The following KCNH5 variants were observed in gnomAD, a reference collection of about 807,000 sequenced individuals.
KCNH5 encodes voltage-gated delayed rectifier potassium channel KCNH5.
A neutral mutation model predicts 96.1 loss-of-function variants in KCNH5; 46 were observed. The ratio of observed to expected loss-of-function variants is 0.48; its 90% CI spans 0.38 to 0.61. KCNH5 has a LOEUF of 0.61. Ranked by LOEUF, KCNH5 falls within the 20% of genes least tolerant of loss-of-function variation. The pLI is 0.00. For synonymous variants in KCNH5, 439 were observed against 449.8 expected (o/e 0.98, Z 0.30); for missense variants, 907 against 1,225.8 (o/e 0.74, Z 3.88).
intron 10 of KCNH5, among the ~76,000 whole-genome samples, chr14:62,756,057 C>G (rs1885617617): frequency 6.6e-6 from 1 of 151,546 alleles, no homozygotes; most frequent in Admixed American, 6.6e-5. Flanking sequence ...AAAACAAAAC[C>G]TAGACTCCAC....
chr14:62,868,790 G>C (rs1888190386), intron 7 of KCNH5, among the ~76,000 whole-genome samples: 2 of 152,078 alleles, frequency 1.3e-5, no homozygotes, highest in South Asian at 4.2e-4. Flanking sequence ...TGCAGTGTTT[G>C]GTTTTCTGTT....
rs1404885203 is a variant in KCNH5 at position 63,045,431 on chromosome 14, G to T, written c.-245C>A. On this transcript the variant is annotated 5_prime_UTR_variant, in exon 1 of 11. Transcript: ENST00000322893. The stretch of plus-strand genomic sequence containing the variant: ...CGGCCGCCGCTGCCCAGACTGTGGC[G>T]GTGCCGCACACGGGGCTCGGGAACT... 5 of 533,800 alleles carry T rather than the reference G, an allele frequency of 9.4e-6. No individual in the cohort carries two copies. The highest frequency in any genetic ancestry group is 1.7e-5 in the Non-Finnish European group (5 of 296,080). 33.1% of individuals were successfully genotyped at this position (533,800 alleles called of 1,614,324 possible). A position where few individuals can be genotyped will look rare whatever the true frequency, so the allele number is the denominator to read the frequency against.
chr14:62,911,915 G>C (rs1336270188), intron 7 of KCNH5, among the ~76,000 whole-genome samples: 3 of 151,364 alleles, frequency 2.0e-5, no homozygotes, highest in African/African-American at 7.3e-5. Context: ...GCAGGCACCT[G>C]TAATTGCAGC....
chr14:62,817,899 TATAA>T (rs10555267), intron 8 of KCNH5, among the ~76,000 whole-genome samples: 41,979 of 142,574 alleles, frequency 0.29, 6,613 homozygotes, highest in South Asian at 0.53. Context: ...TAAATATAAA[TATAA>T]ATATATATAT....
intron 1 of KCNH5, among the ~76,000 whole-genome samples, chr14:63,040,557 T>C (rs1340027716): frequency 6.6e-6 from 1 of 152,192 alleles, no homozygotes; most frequent in East Asian, 1.9e-4. Flanking sequence ...ATTTCCTGAA[T>C]AGTGTCTTAG....
chr14:62,821,557 G>C (rs2140018238), intron 8 of KCNH5, among the ~76,000 whole-genome samples: 1 of 152,068 alleles, frequency 6.6e-6, no homozygotes, highest in East Asian at 1.9e-4. Flanking sequence ...TATTTAAAGG[G>C]GCTTTAGGGC....
chr14:62,948,417 G>T (rs1241658496), intron 7 of KCNH5, among the ~76,000 whole-genome samples: 1 of 152,020 alleles, frequency 6.6e-6, no homozygotes, highest in African/African-American at 2.4e-5. Context: ...AGAAGAAATG[G>T]ATAAATTCCT....
In KCNH5 at chr14:62,849,795, G is replaced by C. The variant is rs922788543; in HGVS notation, c.1427C>G (p.Ala476Gly). The stretch of plus-strand genomic sequence containing the variant: ...CATCTCATGGTATCGGTTGGTGTTG[G>C]CATACATTTGCTGGAAAATTGTTGT... ...NVTTIFQQMYANTNRYHEMLN... is the reference protein window; with the variant it reads ...NVTTIFQQMYGNTNRYHEMLN... The change falls in exon 8 of 11, where the codon GCC (alanine) becomes GGC (glycine). Residue 476 changes from alanine (A) to glycine (G), a missense_variant. By Grantham distance (60) the Ala-to-Gly change is moderately conservative (BLOSUM62 0). Coordinates refer to ENST00000322893, the MANE Select transcript of KCNH5 (RefSeq NM_139318.5). 27 of 1,613,626 alleles carry C rather than the reference G, an allele frequency of 1.7e-5. No homozygotes were observed. The highest frequency in any genetic ancestry group is 2.2e-5 in the Non-Finnish European group (26 of 1,179,758).
chr14:62,879,725 T>C (rs1888455066), intron 7 of KCNH5, among the ~76,000 whole-genome samples: 1 of 152,174 alleles, frequency 6.6e-6, no homozygotes, highest in African/African-American at 2.4e-5. Flanking sequence ...ATTGCCAATT[T>C]GATTTGTAAT....
chr14:62,854,460 C>T (rs1384166573), intron 7 of KCNH5, among the ~76,000 whole-genome samples: 1 of 152,060 alleles, frequency 6.6e-6, no homozygotes, highest in Non-Finnish European at 1.5e-5. Flanking sequence ...CATTTAAAGG[C>T]TAAGGTTATT....
intron 8 of KCNH5, among the ~76,000 whole-genome samples, chr14:62,839,006 G>A (rs1018390659): frequency 8.2e-6 from 1 of 121,450 alleles, no homozygotes; most frequent in African/African-American, 2.8e-5. Context: ...ACAAAAAAAT[G>A]TACATAACCT....
chr14:62,981,938 C>T (rs1890615852), intron 5 of KCNH5, among the ~76,000 whole-genome samples: 1 of 152,096 alleles, frequency 6.6e-6, no homozygotes, highest in Non-Finnish European at 1.5e-5. Context: ...TTTATATGAA[C>T]CTTGAGTTAC....
intron 5 of KCNH5, among the ~76,000 whole-genome samples, chr14:62,985,126 A>G (rs1391580673): frequency 6.6e-6 from 1 of 152,176 alleles, no homozygotes; most frequent in Non-Finnish European, 1.5e-5. Context: ...TGCAAAAGAA[A>G]GTTGTATCTC....
Position 62,784,199 on chromosome 14 carries a change from G to T in KCNH5, c.1823-4275C>A, listed in dbSNP as rs553175257. Among the ~76,000 whole-genome samples, 3 of 152,178 alleles carry T rather than the reference G, an allele frequency of 2.0e-5. No individual in the cohort carries two copies. The South Asian group carries it at 6.2e-4, about 32-fold the overall frequency. On this transcript the variant is annotated intron_variant, in intron 9 of 10. Transcript: ENST00000322893. Reference sequence around the variant, plus strand: ...GGCAGGCAAGAGCGCTTGTACAGGGGAACTCCCATTTATAAAGCCATCAGA... The same window carrying T: ...GGCAGGCAAGAGCGCTTGTACAGGGTAACTCCCATTTATAAAGCCATCAGA...
chr14:62,961,751 G>A (rs1422073120), intron 6 of KCNH5, among the ~76,000 whole-genome samples: 1 of 152,076 alleles, frequency 6.6e-6, no homozygotes, highest in Non-Finnish European at 1.5e-5. Context: ...TACAGGGATG[G>A]GGATGGAAAT....
chr14:63,011,732 CT>C (rs1368643441), intron 2 of KCNH5, among the ~76,000 whole-genome samples: 1 of 152,154 alleles, frequency 6.6e-6, no homozygotes, highest in Non-Finnish European at 1.5e-5. Context: ...CCCTTCAACA[CT>C]TTTCATCAGT....
At chr14:62,837,700 T>C (rs961332111) in intron 8 of KCNH5, among the ~76,000 whole-genome samples, 4 of 152,198 alleles carry the variant, frequency 2.6e-5, no homozygotes, top group Non-Finnish European at 5.9e-5. Flanking sequence ...TGAGAATGGC[T>C]GAATAAATGA....
At chr14:62,925,156 T>C (rs1889449973) in intron 7 of KCNH5, among the ~76,000 whole-genome samples, 1 of 151,984 alleles carries the variant, frequency 6.6e-6, no homozygotes, top group African/African-American at 2.4e-5. Flanking sequence ...CCCTGGTGCC[T>C]GTAGACCACA....
At chr14:62,792,004 T>C (rs558122703) in intron 9 of KCNH5, among the ~76,000 whole-genome samples, 1 of 151,730 alleles carries the variant, frequency 6.6e-6, no homozygotes, top group African/African-American at 2.4e-5. Flanking sequence ...AATATTCATT[T>C]ATAGATGAAT....
Sources: gnomAD v4.1 joint callset for allele counts (sites outside exome capture counted in the v4.1 genomes callset) on GRCh38, gnomAD v4.1.1 for gene constraint, MANE v1.5 for transcripts, NCBI Gene and HGNC (gene_info 2026-07-23, HGNC 2026-07-21) for gene names.